Variants in MTMR3 observed in about 807,000 individuals in gnomAD.
MTMR3 encodes the protein myotubularin related protein 3, also known as phosphatidylinositol-3,5-bisphosphate 3-phosphatase MTMR3.
In MTMR3, 32 loss-of-function variants were observed where a neutral mutation model predicts 132.4. The ratio of observed to expected loss-of-function variants is 0.24; its 90% CI spans 0.18 to 0.32. The LOEUF is 0.32. MTMR3 is among the 10% of genes least tolerant of loss of function. The probability of loss-of-function intolerance (pLI) is 1.00; values close to 1 mark genes in which losing one functional copy is unlikely to be tolerated. For synonymous variants in MTMR3, 556 were observed against 550.3 expected (o/e 1.01, Z -0.14); for missense variants, 1,216 against 1,489.6 (o/e 0.82, Z 3.02).
At chr22:29,931,029 A>C (rs552871113) in intron 1 of MTMR3, among the ~76,000 whole-genome samples, 7 of 150,588 alleles carry the variant, frequency 4.6e-5, no homozygotes, top group African/African-American at 7.5e-5. Context: ...AAAAAAAAAA[A>C]AAACTTAAAA....
At chr22:30,016,449 A>G in intron 14 of MTMR3, 79 bp from the exon 15 acceptor site, 2 of 1,493,856 alleles carry the variant, frequency 1.3e-6, no homozygotes, top group Non-Finnish European at 1.8e-6. Context: ...GGATGTTAGG[A>G]TAAGGTGGCT....
intron 1 of MTMR3, among the ~76,000 whole-genome samples, chr22:29,935,071 G>A (rs1014728170): frequency 6.6e-6 from 1 of 152,146 alleles, no homozygotes; most frequent in Non-Finnish European, 1.5e-5. Flanking sequence ...TAATGAAGAC[G>A]TTTTAAGAGC....
intron 1 of MTMR3, among the ~76,000 whole-genome samples, chr22:29,888,666 A>G (rs2064727299): frequency 6.6e-6 from 1 of 152,058 alleles, no homozygotes; most frequent in Non-Finnish European, 1.5e-5. Flanking sequence ...CTTGATGCTG[A>G]TAACTACGGA....
At chr22:29,968,011 T>C (rs1368099703) in intron 2 of MTMR3, among the ~76,000 whole-genome samples, 2 of 152,116 alleles carry the variant, frequency 1.3e-5, no homozygotes, top group Non-Finnish European at 2.9e-5. Context: ...ATATTTGGGT[T>C]GTTTGCACTT....
In MTMR3 at chr22:30,013,305, A is replaced by C; in HGVS notation, c.1318-51A>C. ...CTGTGACACCAGGCTTAGGACTGTC[A>C]CAGTCTGGATAGTCTAGCACAAATG... On this transcript the variant is annotated intron_variant, in intron 13 of 19. Coordinates refer to ENST00000401950, the MANE Select transcript of MTMR3 (RefSeq NM_021090.4). The C allele has an allele frequency of 2.5e-6, 4 of 1,584,996 alleles. 1 individual carries two copies. The South Asian group carries it at 4.5e-5, about 18-fold the overall frequency.
rs759173905 is a variant in MTMR3 at position 29,998,765 on chromosome 22, G to A, written c.465G>A (p.Glu155=). ...CTGTTTATCTTTGGCCTCTAGGGGAGCATGTAACTTCAAGGTTTAAAAACG... is the reference window on the plus strand; with the variant it reads ...CTGTTTATCTTTGGCCTCTAGGGGAACATGTAACTTCAAGGTTTAAAAACG... ...EQHGDLCRPG[E]HVTSRFKNEV... Residue 155 remains glutamate, a synonymous_variant, in exon 8 of 20, where the codon GAG becomes GAA. Coordinates refer to ENST00000401950, the MANE Select transcript of MTMR3 (RefSeq NM_021090.4). The A allele has an allele frequency of 1.2e-6, 2 of 1,611,996 alleles. No homozygotes were observed. Among genetic ancestry groups the A allele is most frequent in the Non-Finnish European group, 1.7e-6 (2 of 1,178,870 alleles).
chr22:29,980,271 T>A (rs570180392), intron 5 of MTMR3: 3 of 152,352 alleles, frequency 2.0e-5, no homozygotes, highest in Admixed American at 2.0e-4. Flanking sequence ...TCTTTGTAGT[T>A]AAGCATTTAT....
rs746632197 is a variant in MTMR3, at chr22:29,978,956, T to C, written c.114T>C (p.His38=). The change falls in exon 5 of 20, where the codon CAT becomes CAC. Residue 38 remains histidine (H), a synonymous_variant. Coordinates refer to ENST00000401950, the MANE Select transcript of MTMR3 (RefSeq NM_021090.4). ...CGAAGGTTCCTTTCCTTGAACTTCA[T>C]GGAGAGAGCACAGAGTTTGTGGGCC... The part of the protein sequence containing the change: ...ENLQVPFLEL[H]GESTEFVGRA... 1 of 1,613,570 alleles carries C rather than the reference T, an allele frequency of 6.2e-7. No individual in the cohort carries two copies. The highest frequency in any genetic ancestry group is 8.5e-7 in the Non-Finnish European group (1 of 1,179,588).
intron 2 of MTMR3, among the ~76,000 whole-genome samples, chr22:29,970,497 C>CTTTTTTTTTTTTT (rs11326857): frequency 5.2e-5 from 3 of 57,782 alleles, no homozygotes; most frequent in African/African-American, 2.4e-4. Context: ...CCATGACCAG[C>CTTTTTTTTTTTTT]TTTTTTTTTT....
intron 8 of MTMR3, chr22:29,999,439 T>C (rs901463701): frequency 2.0e-5 from 3 of 152,264 alleles, no homozygotes; most frequent in Non-Finnish European, 1.5e-5. Flanking sequence ...TTGTCTCATA[T>C]ACACATTATA....
At chr22:29,950,387 G>A (rs1228656408) in intron 1 of MTMR3, among the ~76,000 whole-genome samples, 1 of 150,306 alleles carries the variant, frequency 6.7e-6, no homozygotes, top group Non-Finnish European at 1.5e-5. Flanking sequence ...TTTTTGAGAT[G>A]GAATTTCACT....
At chr22:29,991,849 G>C in intron 7 of MTMR3, 179 bp downstream of exon 7, 1 of 571,524 alleles carries the variant, frequency 1.7e-6, no homozygotes, top group Non-Finnish European at 2.8e-6. Context: ...CTGCCTTCCG[G>C]GGAAGGGAAG....
chr22:29,997,802 T>C (rs928247983), intron 7 of MTMR3: 6 of 152,238 alleles, frequency 3.9e-5, no homozygotes, highest in African/African-American at 1.4e-4. Context: ...GGACCTGATC[T>C]GAGCTGACAT....
In MTMR3 at chr22:29,930,493, A is replaced by C. The variant is rs575270664; in HGVS notation, c.-137-26543A>C. On this transcript the variant is annotated intron_variant, in intron 1 of 19. Coordinates refer to ENST00000401950, the MANE Select transcript of MTMR3 (RefSeq NM_021090.4). ...GGCTGAAGTGGGAGGATTGCCCAGG[A>C]GTTCGAGACCAGCCTAGGCAACATG... Among the ~76,000 whole-genome samples the C allele has an allele frequency of 1.5e-3, 231 of 152,314 alleles. 1 individual carries two copies. Among genetic ancestry groups the C allele is most frequent in the Admixed American group, 3.1e-3 (48 of 15,292 alleles).
Position 29,900,502 on chromosome 22 carries a change from A to T in MTMR3, c.-138+17143A>T, listed in dbSNP as rs555740012. ...AAGACTACACAGCTGGTGATTATTG[A>T]TATCATTCATTTATATTAGGTTAGT... On this transcript the variant is annotated intron_variant, in intron 1 of 19. Coordinates refer to ENST00000401950, the MANE Select transcript of MTMR3 (RefSeq NM_021090.4). Among the ~76,000 whole-genome samples the T allele has an allele frequency of 3.0e-4, 46 of 152,218 alleles. No individual in the cohort carries two copies. In the South Asian group the frequency reaches 9.3e-3, roughly 31 times the overall value.
At chr22:29,933,317 CTG>C (rs772956582) in intron 1 of MTMR3, among the ~76,000 whole-genome samples, 9 of 150,442 alleles carry the variant, frequency 6.0e-5, no homozygotes, top group Admixed American at 1.3e-4. Context: ...GCAAAAAAAA[CTG>C]TGAAGAATGT....
chr22:29,901,121 T>C (rs1464530850), intron 1 of MTMR3, among the ~76,000 whole-genome samples: 3 of 152,126 alleles, frequency 2.0e-5, no homozygotes, highest in East Asian at 1.9e-4. Flanking sequence ...TGAACCAAAA[T>C]TAGGAGAAGA....
At chr22:29,899,124 T>G (rs2064958424) in intron 1 of MTMR3, among the ~76,000 whole-genome samples, 1 of 152,210 alleles carries the variant, frequency 6.6e-6, no homozygotes, top group Admixed American at 6.5e-5. Flanking sequence ...CCAGTGGGGT[T>G]GAGATGAGGA....
chr22:29,979,409 A>AG (rs1196197166), intron 5 of MTMR3: 7 of 218,942 alleles, frequency 3.2e-5, no homozygotes, highest in Admixed American at 5.4e-5. Context: ...GGAGAATGGC[A>AG]TGAACCCGGG....
Sources: gnomAD v4.1 joint callset for allele counts (sites outside exome capture counted in the v4.1 genomes callset) on GRCh38, gnomAD v4.1.1 for gene constraint, MANE v1.5 for transcripts, NCBI Gene and HGNC (gene_info 2026-07-23, HGNC 2026-07-21) for gene names.